The following CUX2 variants were observed in gnomAD, a reference collection of about 807,000 sequenced individuals.
CUX2 encodes the protein cut like homeobox 2, also known as homeobox protein cut-like 2.
Under a neutral mutation model 144.8 loss-of-function variants are expected in CUX2, and 40 were observed. The observed-to-expected ratio is 0.28, with a 90% confidence interval of 0.21 to 0.36. CUX2 has a LOEUF of 0.36. CUX2 is among the 10% of genes least tolerant of loss of function. CUX2 has a pLI of 1.00. For synonymous variants in CUX2, 827 were observed against 875.6 expected (o/e 0.94, Z 0.98); for missense variants, 1,615 against 1,994.0 (o/e 0.81, Z 3.62).
intron 19 of CUX2, among the ~76,000 whole-genome samples, chr12:111,336,318 A>G (rs1888346089): frequency 6.6e-6 from 1 of 152,218 alleles, no homozygotes; most frequent in African/African-American, 2.4e-5. Context: ...TGTTATAAAA[A>G]TAAGACATAT....
At chr12:111,168,095 C>G (rs897155230) in intron 1 of CUX2, among the ~76,000 whole-genome samples, 1 of 152,104 alleles carries the variant, frequency 6.6e-6, no homozygotes, top group Admixed American at 6.6e-5. Flanking sequence ...CAGTCCGGAG[C>G]CAAGCTGGCT....
At chr12:111,226,424 A>G (rs1056113103) in intron 3 of CUX2, among the ~76,000 whole-genome samples, 1 of 152,196 alleles carries the variant, frequency 6.6e-6, no homozygotes, top group Non-Finnish European at 1.5e-5. Flanking sequence ...AGCATTATTG[A>G]ACCTGTCACG....
chr12:111,133,278 C>T (rs904479595), intron 1 of CUX2, among the ~76,000 whole-genome samples: 2 of 152,192 alleles, frequency 1.3e-5, no homozygotes, highest in African/African-American at 4.8e-5. Flanking sequence ...CAACACCCCA[C>T]TCTACTGGTA....
intron 1 of CUX2, among the ~76,000 whole-genome samples, chr12:111,091,282 C>T (rs1310843374): frequency 6.6e-6 from 1 of 152,164 alleles, no homozygotes; most frequent in Non-Finnish European, 1.5e-5. Context: ...TTCCTGTTTG[C>T]GGAGGGAAGT....
intron 18 of CUX2, among the ~76,000 whole-genome samples, chr12:111,330,006 CAG>C (rs72020927): frequency 0.16 from 23,671 of 152,074 alleles, 2,829 homozygotes; most frequent in African/African-American, 0.34. Flanking sequence ...ACACCTAGGA[CAG>C]ACTCTCACTT....
intron 1 of CUX2, among the ~76,000 whole-genome samples, chr12:111,087,139 T>A (rs1872272657): frequency 6.6e-6 from 1 of 151,862 alleles, no homozygotes; most frequent in Non-Finnish European, 1.5e-5. Context: ...GCAGGCGGAT[T>A]GAGGTCAGGA....
intron 1 of CUX2, among the ~76,000 whole-genome samples, chr12:111,161,822 C>T (rs917365430): frequency 5.3e-5 from 8 of 152,212 alleles, no homozygotes; most frequent in South Asian, 2.1e-4. Context: ...GTAGCCTCAA[C>T]CTTCCAGGCT....
At chr12:111,145,557 G>A (rs770143731) in intron 1 of CUX2, among the ~76,000 whole-genome samples, 15 of 151,900 alleles carry the variant, frequency 9.9e-5, no homozygotes, top group Non-Finnish European at 1.5e-4. Context: ...TAGAGATGGC[G>A]GTCTCCCTAT....
intron 1 of CUX2, among the ~76,000 whole-genome samples, chr12:111,180,317 G>A (rs1012198096): frequency 6.6e-6 from 1 of 152,066 alleles, no homozygotes; most frequent in Admixed American, 6.5e-5. Context: ...TCCAGCGCAG[G>A]ACATGAGCAG....
At chr12:111,336,200 T>C (rs1888341440) in intron 19 of CUX2, among the ~76,000 whole-genome samples, 1 of 152,114 alleles carries the variant, frequency 6.6e-6, no homozygotes, top group South Asian at 2.1e-4. Flanking sequence ...AAATCTCTTC[T>C]AGGGCTCTTT....
At chr12:111,327,831 C>T (rs763340346) in intron 18 of CUX2, among the ~76,000 whole-genome samples, 11 of 152,062 alleles carry the variant, frequency 7.2e-5, no homozygotes, top group Non-Finnish European at 1.5e-4. Context: ...CTAAAGCAGG[C>T]GGATCACTTG....
intron 2 of CUX2, among the ~76,000 whole-genome samples, chr12:111,215,597 C>G (rs971116063): frequency 7.2e-5 from 11 of 152,192 alleles, no homozygotes; most frequent in African/African-American, 2.7e-4. Context: ...GGTTTGACTC[C>G]AAGAGCCAAG....
intron 1 of CUX2, among the ~76,000 whole-genome samples, chr12:111,143,701 G>T (rs925320016): frequency 6.6e-6 from 1 of 152,214 alleles, no homozygotes; most frequent in Non-Finnish European, 1.5e-5. Context: ...TTTTCTGGAG[G>T]CCTCGCCGCC....
intron 4 of CUX2, among the ~76,000 whole-genome samples, chr12:111,290,718 C>A (rs187119097): frequency 6.6e-6 from 1 of 152,132 alleles, no homozygotes; most frequent in Non-Finnish European, 1.5e-5. Flanking sequence ...TAAGCCACTG[C>A]GCCCAGACTA....
At position 111,037,637 on chromosome 12, in the gene CUX2, G is replaced by T. The variant is rs1034537491; in HGVS notation, c.63+3397G>T. ...GAGAAGAAATAAAATTCCATCCAAAGATAATGCTAGGCATATTTCATTTGG... is the reference window on the plus strand; with the variant it reads ...GAGAAGAAATAAAATTCCATCCAAATATAATGCTAGGCATATTTCATTTGG... On this transcript the variant is annotated intron_variant, in intron 1 of 21. Coordinates refer to ENST00000261726, the MANE Select transcript of CUX2 (RefSeq NM_015267.4). The surrounding 1 kb of genome is among the most constrained non-coding windows in gnomAD (Gnocchi z 5.4). 6.6e-6 allele frequency among the ~76,000 whole-genome samples: 1 copy of T among 152,212 alleles called. No homozygotes were observed. Among genetic ancestry groups the T allele is most frequent in the Non-Finnish European group, 1.5e-5 (1 of 68,034 alleles).
At chr12:111,115,422 A>T (rs960360766) in intron 1 of CUX2, among the ~76,000 whole-genome samples, 18 of 151,238 alleles carry the variant, frequency 1.2e-4, no homozygotes, top group African/African-American at 4.1e-4. Flanking sequence ...AGTAGCTGGG[A>T]CTATAGGTGC....
At chr12:111,134,018 G>GT (rs1875681555) in intron 1 of CUX2, among the ~76,000 whole-genome samples, 1 of 152,148 alleles carries the variant, frequency 6.6e-6, no homozygotes, top group Admixed American at 6.5e-5. Context: ...AACTTGCATT[G>GT]TAATTCAGCC....
intron 21 of CUX2, among the ~76,000 whole-genome samples, chr12:111,343,820 G>A (rs1565935880): frequency 6.6e-6 from 1 of 152,192 alleles, no homozygotes; most frequent in Non-Finnish European, 1.5e-5. Context: ...CAGCACTTTG[G>A]GAGGCCAAGG....
intron 1 of CUX2, among the ~76,000 whole-genome samples, chr12:111,131,941 C>T (rs888530422): frequency 2.0e-5 from 3 of 152,228 alleles, no homozygotes; most frequent in African/African-American, 7.2e-5. Flanking sequence ...GTCTGGAGGA[C>T]AGTGGCTGTC....
Sources: allele counts gnomAD v4.1 joint callset (sites outside exome capture counted in the v4.1 genomes callset), GRCh38; gene constraint gnomAD v4.1.1; non-coding constraint Gnocchi (gnomAD v3.1); transcripts MANE v1.5; gene names NCBI Gene and HGNC (gene_info 2026-07-23, HGNC 2026-07-21).